Variants in RORA observed in about 807,000 individuals in gnomAD.
RORA encodes RAR related orphan receptor A.
RORA carries 7 observed loss-of-function variants against 69.5 expected under a neutral mutation model. That is an observed-to-expected ratio of 0.10 (90% CI 0.06 to 0.19). The LOEUF (loss-of-function observed/expected upper bound fraction) is 0.19, where lower values mean the gene tolerates loss of function less well. Ranked by LOEUF, RORA falls within the 10% of genes least tolerant of loss-of-function variation. RORA has a pLI of 1.00. For missense variants in RORA, 457 were observed against 663.0 expected (o/e 0.69, Z 3.41); for synonymous variants, 261 against 240.8 (o/e 1.08, Z -0.78).
rs139382649 is a variant in RORA, at chr15:60,850,475, C to G, written c.167-171789G>C. 1.7e-3 allele frequency among the ~76,000 whole-genome samples: 266 copies of G among 152,204 alleles called. 4 individuals are homozygous for G. Among genetic ancestry groups the G allele is most frequent in the East Asian group, 5.0e-3 (26 of 5,172 alleles). ...CTCCTGGGGAGGTTACTTGACCTCTCTAGACTTTGGGTTCCTCATCTCTAA... is the reference window on the plus strand; with the variant it reads ...CTCCTGGGGAGGTTACTTGACCTCTGTAGACTTTGGGTTCCTCATCTCTAA... On this transcript the variant is annotated intron_variant, in intron 1 of 10. Coordinates refer to ENST00000335670, the MANE Select transcript of RORA (RefSeq NM_134261.3).
chr15:60,925,093 T>TAATAAAATAAAATAA (rs59752102), intron 1 of RORA, among the ~76,000 whole-genome samples: 65 of 140,062 alleles, frequency 4.6e-4, no homozygotes, highest in Admixed American at 2.2e-3. Context: ...ATAAATAAAT[T>TAATAAAATAAAATAA]AATAAAATAA....
chr15:60,746,710 C>A (rs1364038082), intron 1 of RORA, among the ~76,000 whole-genome samples: 3 of 152,128 alleles, frequency 2.0e-5, no homozygotes, highest in African/African-American at 7.2e-5. Flanking sequence ...TGTGTGTGGA[C>A]AGACAAGATG....
chr15:61,141,083 A>G (rs1295809825), intron 1 of RORA, among the ~76,000 whole-genome samples: 2 of 152,154 alleles, frequency 1.3e-5, no homozygotes, highest in Non-Finnish European at 2.9e-5. Flanking sequence ...GGACCCAAAA[A>G]AATCCTCTTT....
At chr15:61,112,551 GT>G (rs1446674629) in intron 1 of RORA, among the ~76,000 whole-genome samples, 3 of 152,198 alleles carry the variant, frequency 2.0e-5, no homozygotes, top group African/African-American at 7.2e-5. Flanking sequence ...AGGCCAGGAA[GT>G]AAAGGGTTTA....
chr15:60,608,461 C>G lies in RORA; in HGVS notation c.196+70196G>C, dbSNP rs368870503. ...ATAGGGTAAGTGAAGCTCAAAGAGG[C>G]CTCTGGTTCAGCAGATCACACCGCT... On this transcript the variant is annotated intron_variant, in intron 2 of 10. Coordinates refer to ENST00000335670, the MANE Select transcript of RORA (RefSeq NM_134261.3). Among the ~76,000 whole-genome samples, 9 of 152,250 alleles carry G rather than the reference C, an allele frequency of 5.9e-5. 2 individuals carry two copies. Among genetic ancestry groups the G allele is most frequent in the African/African-American group, 2.2e-4 (9 of 41,532 alleles).
chr15:60,868,297 C>A (rs1435371632), intron 1 of RORA, among the ~76,000 whole-genome samples: 1 of 152,124 alleles, frequency 6.6e-6, no homozygotes, highest in African/African-American at 2.4e-5. Context: ...CTTAGTTAAG[C>A]CTTGGTTTCT....
At chr15:61,119,108 C>T (rs1169714252) in intron 1 of RORA, among the ~76,000 whole-genome samples, 3 of 147,654 alleles carry the variant, frequency 2.0e-5, no homozygotes, top group Non-Finnish European at 1.5e-5. Flanking sequence ...ATGGAGCAGT[C>T]GTGTGAGCCA....
rs758791199 is a variant in RORA, at chr15:60,520,540, C to T, written c.283-5783G>A. Among the ~76,000 whole-genome samples the T allele has an allele frequency of 3.9e-5, 6 of 152,152 alleles. No individual in the cohort carries two copies. In the East Asian group the frequency reaches 1.2e-3, roughly 29 times the overall value. Reference sequence around the variant, plus strand: ...AGTAGAAAGTGTGGTAGGTACCTTCCTACCTCAAGGTAGAAGTAGTGTGTT... The same window carrying T: ...AGTAGAAAGTGTGGTAGGTACCTTCTTACCTCAAGGTAGAAGTAGTGTGTT... On this transcript the variant is annotated intron_variant, in intron 3 of 10. Coordinates refer to ENST00000335670, the MANE Select transcript of RORA (RefSeq NM_134261.3).
In RORA at chr15:60,882,371, C is replaced by T. The variant is rs187344767; in HGVS notation, c.167-203685G>A. ...GGATGTTGCTAAAAACATCCTACAA[C>T]GCACCAGACAACCCTTCATGATAAA... On this transcript the variant is annotated intron_variant, in intron 1 of 10. Transcript: ENST00000335670. 7.7e-4 allele frequency among the ~76,000 whole-genome samples: 117 copies of T among 152,206 alleles called. 1 individual carries two copies. Among genetic ancestry groups the T allele is most frequent in the African/African-American group, 2.6e-4 (11 of 41,530 alleles).
At chr15:60,771,903 G>A (rs1392299044) in intron 1 of RORA, among the ~76,000 whole-genome samples, 1 of 152,176 alleles carries the variant, frequency 6.6e-6, no homozygotes, top group Non-Finnish European at 1.5e-5. Context: ...TGCATTTAGT[G>A]ATGAGGCCAA....
chr15:60,703,422 A>T (rs2071014649), intron 1 of RORA, among the ~76,000 whole-genome samples: 3 of 150,372 alleles, frequency 2.0e-5, no homozygotes, highest in South Asian at 2.1e-4. Flanking sequence ...CCTCATTCCC[A>T]CTTGGCTCTG....
At chr15:60,938,319 A>G (rs1394510693) in intron 1 of RORA, among the ~76,000 whole-genome samples, 1 of 152,224 alleles carries the variant, frequency 6.6e-6, no homozygotes, top group Non-Finnish European at 1.5e-5. Context: ...ATACTGGTCT[A>G]TCTTCACCCT....
intron 1 of RORA, among the ~76,000 whole-genome samples, chr15:60,777,583 A>G (rs2072188787): frequency 1.3e-5 from 2 of 152,206 alleles, no homozygotes; most frequent in Non-Finnish European, 2.9e-5. Context: ...CTGCGAGAGA[A>G]ATTAAGATTG....
chr15:60,559,833 A>G (rs186228612), intron 2 of RORA, among the ~76,000 whole-genome samples: 1 of 152,304 alleles, frequency 6.6e-6, no homozygotes, highest in Admixed American at 6.5e-5. Flanking sequence ...TTGATTCTTT[A>G]CCTAAGCGAG....
intron 1 of RORA, among the ~76,000 whole-genome samples, chr15:60,990,432 T>C (rs1353198509): frequency 1.3e-5 from 2 of 152,158 alleles, no homozygotes; most frequent in Non-Finnish European, 2.9e-5. Context: ...TTGTAGCAAG[T>C]TATGAAAACA....
At chr15:60,976,813 C>T (rs1893884128) in intron 1 of RORA, among the ~76,000 whole-genome samples, 1 of 152,130 alleles carries the variant, frequency 6.6e-6, no homozygotes, top group South Asian at 2.1e-4. Context: ...GTTCTTTTGG[C>T]TTAGGAGGGA....
In RORA at chr15:60,863,706, C is replaced by T. The variant is rs143539711; in HGVS notation, c.167-185020G>A. The stretch of plus-strand genomic sequence containing the variant: ...AGTTAAACTGTTTAGTAGACTGTTT[C>T]GCAGAGCTTCAAACTCAGTCAATAC... On this transcript the variant is annotated intron_variant, in intron 1 of 10. Coordinates refer to ENST00000335670, the MANE Select transcript of RORA (RefSeq NM_134261.3). 1.5e-4 allele frequency among the ~76,000 whole-genome samples: 23 copies of T among 152,260 alleles called. No individual in the cohort carries two copies. In the East Asian group the frequency reaches 3.7e-3, roughly 24 times the overall value.
At chr15:60,504,860 G>T (rs966967775) in intron 6 of RORA, among the ~76,000 whole-genome samples, 1 of 152,088 alleles carries the variant, frequency 6.6e-6, no homozygotes, top group African/African-American at 2.4e-5. Flanking sequence ...GATATGATGG[G>T]GTGGAAGAAA....
intron 1 of RORA, among the ~76,000 whole-genome samples, chr15:60,691,841 A>T (rs554881325): frequency 1.5e-4 from 23 of 152,320 alleles, no homozygotes; most frequent in African/African-American, 5.5e-4. Context: ...CAGATCCCCA[A>T]CCCAGAAGCT....
Sources: gnomAD v4.1 joint callset for allele counts (sites outside exome capture counted in the v4.1 genomes callset) on GRCh38, gnomAD v4.1.1 for gene constraint, MANE v1.5 for transcripts, NCBI Gene and HGNC (gene_info 2026-07-23, HGNC 2026-07-21) for gene names.